The following NPAT variants were observed in gnomAD, a reference collection of about 807,000 sequenced individuals.
NPAT encodes the protein nuclear protein, coactivator of histone transcription, also known as protein NPAT.
A neutral mutation model predicts 130.7 loss-of-function variants in NPAT; 52 were observed. The ratio of observed to expected loss-of-function variants is 0.40; its 90% CI spans 0.32 to 0.50. The LOEUF (loss-of-function observed/expected upper bound fraction) is 0.50. Among genes scored for constraint, NPAT ranks in the 20% least tolerant of loss-of-function variants. The probability of loss-of-function intolerance (pLI) is 0.68; values close to 1 mark genes in which losing one functional copy is unlikely to be tolerated. For missense variants in NPAT, 1,687 were observed against 1,662.6 expected, an observed-to-expected ratio of 1.01 and a Z score of -0.26; for synonymous variants, 580 against 584.8, an observed-to-expected ratio of 0.99 and a Z score of 0.12.
chr11:108,204,952 T>C (rs574173850), intron 1 of NPAT, among the ~76,000 whole-genome samples: 1 of 152,298 alleles, frequency 6.6e-6, no homozygotes, highest in Non-Finnish European at 1.5e-5. Flanking sequence ...GAAGAAATAA[T>C]GTCTAGAAAC....
chr11:108,195,310 G>A (rs564850370), intron 2 of NPAT, among the ~76,000 whole-genome samples: 32 of 152,306 alleles, frequency 2.1e-4, no homozygotes, highest in Non-Finnish European at 3.7e-4. Context: ...ATTCTTACCA[G>A]TAAGAAACAA....
At chr11:108,222,291 C>T (rs557493781) in intron 1 of NPAT, among the ~76,000 whole-genome samples, 41 of 152,278 alleles carry the variant, frequency 2.7e-4, no homozygotes, top group African/African-American at 9.1e-4. Context: ...CCCCTCGCCA[C>T]GCAGCCTCTG....
intron 8 of NPAT, 93 bp from the exon 9 acceptor site, chr11:108,185,587 T>C: frequency 1.2e-6 from 1 of 856,704 alleles, no homozygotes; most frequent in South Asian, 1.5e-5. Context: ...AAGAGCTGGA[T>C]AGTTTTAATA....
intron 10 of NPAT, among the ~76,000 whole-genome samples, chr11:108,182,146 A>C (rs2078064090): frequency 2.0e-5 from 3 of 152,158 alleles, no homozygotes; most frequent in Non-Finnish European, 2.9e-5. Context: ...GCTGAGGCTG[A>C]GCCAGATTCT....
chr11:108,205,548 A>G (rs1458330468), intron 1 of NPAT, among the ~76,000 whole-genome samples: 2 of 152,190 alleles, frequency 1.3e-5, no homozygotes, highest in Non-Finnish European at 2.9e-5. Flanking sequence ...GGATTACAGG[A>G]GTAAGCCACC....
chr11:108,188,838 C>A lies in NPAT; in HGVS notation c.556+268G>T, dbSNP rs561201566. Among the ~76,000 whole-genome samples, 109 of 152,190 alleles carry A rather than the reference C, an allele frequency of 7.2e-4. 1 individual carries two copies. The highest frequency in any genetic ancestry group is 2.5e-3 in the African/African-American group (103 of 41,532). On this transcript the variant is annotated intron_variant, in intron 6 of 17. Transcript: ENST00000278612. ...ACATTCCATTTAAAATCAAATACAA[C>A]AGCTTCTTTTTCTCTTAATGCCAAA... is the stretch of plus-strand genomic sequence containing the variant.
intron 2 of NPAT, among the ~76,000 whole-genome samples, chr11:108,194,677 G>T (rs1380937047): frequency 6.6e-6 from 1 of 152,174 alleles, no homozygotes; most frequent in Non-Finnish European, 1.5e-5. Flanking sequence ...TAGAGACAGG[G>T]TCTTGCTCTG....
chr11:108,191,270 T>C (rs1057137916), intron 4 of NPAT, among the ~76,000 whole-genome samples: 2 of 152,196 alleles, frequency 1.3e-5, no homozygotes, highest in African/African-American at 4.8e-5. Context: ...CCAGCTTTTA[T>C]AAAATTTATG....
At chr11:108,173,962 C>T (rs550137144) in intron 12 of NPAT, 111 bp from the exon 13 acceptor site, 13 of 905,332 alleles carry the variant, frequency 1.4e-5, no homozygotes, top group Non-Finnish European at 2.3e-5. Flanking sequence ...CTTTGCATAC[C>T]AGTAAGTGGA....
intron 15 of NPAT, among the ~76,000 whole-genome samples, chr11:108,163,572 A>G (rs76696155): frequency 0.013 from 1,968 of 152,284 alleles, 52 homozygotes; most frequent in African/African-American, 0.044. Context: ...CCAAAAGTAA[A>G]GGAAAAAAAT....
chr11:108,205,985 C>G lies in NPAT; in HGVS notation c.38-8565G>C, dbSNP rs527678870. On this transcript the variant is annotated intron_variant, in intron 1 of 17. Transcript: ENST00000278612. ...TCTTGAACTGGGGAGGCAGAGGCTG[C>G]AGTGAGGCGAGATCATGCCAAGGCA... is the stretch of plus-strand genomic sequence containing the variant. Among the ~76,000 whole-genome samples the G allele has an allele frequency of 6.8e-4, 103 of 152,236 alleles. 1 individual carries two copies. The highest frequency in any genetic ancestry group is 2.4e-3 in the African/African-American group (100 of 41,536).
chr11:108,173,300 T>C lies in NPAT; in HGVS notation c.1684A>G (p.Ile562Val). 2 of 1,611,832 alleles carry C rather than the reference T, an allele frequency of 1.2e-6. No individual in the cohort carries two copies. Among genetic ancestry groups the C allele is most frequent in the Non-Finnish European group, 8.5e-7 (1 of 1,178,528 alleles). Residue 562 changes from isoleucine to valine, a missense_variant, in exon 13 of 18, where the codon ATT becomes GTT. Physicochemically the swap from Ile to Val is conservative, Grantham distance 29. Around this residue, in one of 3 missense-constraint regions of NPAT, gnomAD observed 1,379 missense variants for 1,346.6 expected, o/e 1.02. Coordinates refer to ENST00000278612, the MANE Select transcript of NPAT (RefSeq NM_002519.3). Reference sequence around the variant, plus strand: ...GATGACTTGGAACCATGAAAATTAATTTTAAGTTTTACTGTATCATTAGAA... The same window carrying C: ...GATGACTTGGAACCATGAAAATTAACTTTAAGTTTTACTGTATCATTAGAA... ...ENSNDTVKLK[I>V]NFHGSKSSDS...
Position 108,173,135 on chromosome 11 carries a change from C to T in NPAT, c.1849G>A (p.Val617Ile). The T allele has an allele frequency of 1.9e-6, 3 of 1,613,882 alleles. No individual in the cohort carries two copies. The stretch of plus-strand genomic sequence containing the variant: ...AGATGAATTTCTACTTGTCCAGATA[C>T]ATTTAAATGTGAACTTTCAACAGAC... Reference protein sequence around the residue: ...PVSVESSHLNVSGQVEIHLGD... With the variant: ...PVSVESSHLNISGQVEIHLGD... The change falls in exon 13 of 18, where the codon GTA (valine) becomes ATA (isoleucine). Residue 617 changes from valine (V) to isoleucine (I), a missense_variant. Physicochemically the swap from Val to Ile is conservative, Grantham distance 29. Around this residue, in one of 3 missense-constraint regions of NPAT, gnomAD observed 1,379 missense variants for 1,346.6 expected, o/e 1.02. Transcript: ENST00000278612.
intron 1 of NPAT, among the ~76,000 whole-genome samples, chr11:108,201,338 C>T (rs2078273986): frequency 6.6e-6 from 1 of 152,168 alleles, no homozygotes; most frequent in African/African-American, 2.4e-5. Context: ...TAGTTTGTCC[C>T]TTATATCACA....
intron 10 of NPAT, among the ~76,000 whole-genome samples, chr11:108,182,991 T>A (rs558868452): frequency 6.6e-6 from 1 of 152,328 alleles, no homozygotes; most frequent in African/African-American, 2.4e-5. Flanking sequence ...TATTTGTTTT[T>A]TGGTTTTGAA....
At chr11:108,188,293 T>A in intron 6 of NPAT, 114 bp from the exon 7 acceptor site, 1 of 798,166 alleles carries the variant, frequency 1.3e-6, no homozygotes, top group Non-Finnish European at 2.2e-6. Flanking sequence ...AATTAACATG[T>A]ACTGAGTGCC....
rs774841346 is a variant in NPAT at position 108,161,562 on chromosome 11, A to G, written c.3524T>C (p.Val1175Ala). The change falls in exon 17 of 18, where the codon GTA becomes GCA. Residue 1175 changes from valine (V) to alanine (A), a missense_variant. By Grantham distance (64) the Val-to-Ala change is moderately conservative. Coordinates refer to ENST00000278612, the MANE Select transcript of NPAT (RefSeq NM_002519.3). ...ATTTTCTGGATTTTTCTGTCTTTCT[A>G]CATCGCTGCATAATTCATTCTCCTT... ...ANKENELCSD[V>A]ERQKNPENSK... 6.2e-7 allele frequency: 1 copy of G among 1,614,036 alleles called. No individual in the cohort carries two copies. The highest frequency in any genetic ancestry group is 8.5e-7 in the Non-Finnish European group (1 of 1,180,032).
At chr11:108,191,083 G>A (rs2078165017) in intron 4 of NPAT, among the ~76,000 whole-genome samples, 1 of 152,180 alleles carries the variant, frequency 6.6e-6, no homozygotes, top group South Asian at 2.1e-4. Flanking sequence ...AAAATGAACA[G>A]AAGATAATTT....
At chr11:108,181,407 G>A (rs1407947293) in intron 10 of NPAT, among the ~76,000 whole-genome samples, 1 of 152,104 alleles carries the variant, frequency 6.6e-6, no homozygotes, top group Non-Finnish European at 1.5e-5. Context: ...AGAGATTGCA[G>A]CAAGCTGAGA....
Sources: allele counts gnomAD v4.1 joint callset (sites outside exome capture counted in the v4.1 genomes callset), GRCh38; gene constraint gnomAD v4.1.1; regional missense constraint gnomAD v4.1.1; transcripts MANE v1.5; gene names NCBI Gene and HGNC (gene_info 2026-07-23, HGNC 2026-07-21).